ACSS3: variants seen among roughly 807,000 people sequenced by gnomAD.
ACSS3 encodes acyl-CoA synthetase short-chain family member 3, mitochondrial.
ACSS3 carries 64 observed loss-of-function variants against 84.2 expected under a neutral mutation model. The observed-to-expected ratio is 0.76, with a 90% CI of 0.62 to 0.94. The LOEUF (loss-of-function observed/expected upper bound fraction) is 0.94. ACSS3 is among the 40% of genes least tolerant of loss of function. The pLI, the probability that ACSS3 is intolerant of heterozygous loss-of-function variation, is 0.00. For synonymous variants in ACSS3, 317 were observed against 310.1 expected (o/e 1.02, Z -0.23); for missense variants, 815 against 867.6 (o/e 0.94, Z 0.76).
At chr12:81,224,763 G>C (rs527374539) in intron 11 of ACSS3, among the ~76,000 whole-genome samples, 2 of 151,966 alleles carry the variant, frequency 1.3e-5, no homozygotes, top group African/African-American at 2.4e-5. Flanking sequence ...TTCTTGTACT[G>C]TCCTGCTTAG....
intron 2 of ACSS3, chr12:81,124,591 A>G (rs1884917091): frequency 6.6e-6 from 1 of 152,190 alleles, no homozygotes; most frequent in South Asian, 2.1e-4. Context: ...TGGGACTTCA[A>G]TGCTGCATTT....
chr12:81,184,434 A>G (rs1232334784), intron 8 of ACSS3, among the ~76,000 whole-genome samples: 20 of 151,874 alleles, frequency 1.3e-4, no homozygotes, highest in Admixed American at 1.3e-3. Context: ...AATAATAAAT[A>G]TCAGAACAGC....
intron 1 of ACSS3, among the ~76,000 whole-genome samples, chr12:81,098,796 A>G (rs1329128797): frequency 6.6e-6 from 1 of 152,184 alleles, no homozygotes; most frequent in Non-Finnish European, 1.5e-5. Flanking sequence ...TCCTTTTCAC[A>G]TCCATCAGCT....
chr12:81,092,830 A>T (rs530978956), intron 1 of ACSS3, among the ~76,000 whole-genome samples: 5 of 152,326 alleles, frequency 3.3e-5, no homozygotes, highest in African/African-American at 1.2e-4. Flanking sequence ...AATTGACAAA[A>T]ATATAATAAA....
At chr12:81,137,427 C>A (rs1308897128) in intron 3 of ACSS3, among the ~76,000 whole-genome samples, 1 of 151,360 alleles carries the variant, frequency 6.6e-6, no homozygotes, top group African/African-American at 2.4e-5. Flanking sequence ...GGCAATTGGG[C>A]AGGTCAAATG....
chr12:81,161,788 A>G (rs1444243538), intron 7 of ACSS3, among the ~76,000 whole-genome samples: 3 of 151,990 alleles, frequency 2.0e-5, no homozygotes, highest in Non-Finnish European at 4.4e-5. Flanking sequence ...CCAGGACCAA[A>G]ATGGCAAGGG....
At chr12:81,247,037 T>A (rs1232539491) in intron 13 of ACSS3, among the ~76,000 whole-genome samples, 1 of 146,752 alleles carries the variant, frequency 6.8e-6, no homozygotes, top group Non-Finnish European at 1.5e-5. Flanking sequence ...TAAATGTGAT[T>A]TTTTTTGAGT....
At chr12:81,205,986 A>G (rs2032329977) in intron 9 of ACSS3, among the ~76,000 whole-genome samples, 1 of 152,124 alleles carries the variant, frequency 6.6e-6, no homozygotes, top group Non-Finnish European at 1.5e-5. Context: ...AGCTGATGTG[A>G]CAATGAAGAA....
intron 8 of ACSS3, among the ~76,000 whole-genome samples, chr12:81,176,982 T>G (rs545229950): frequency 6.6e-6 from 1 of 152,222 alleles, no homozygotes; most frequent in South Asian, 2.1e-4. Context: ...TCAAGTAGGC[T>G]TTACTCCTGG....
chr12:81,107,880 G>T (rs549184902), intron 1 of ACSS3, among the ~76,000 whole-genome samples: 4 of 151,948 alleles, frequency 2.6e-5, no homozygotes, highest in Admixed American at 1.3e-4. Context: ...TGAGGAGGGA[G>T]CAGTTATATC....
intron 13 of ACSS3, among the ~76,000 whole-genome samples, chr12:81,235,229 A>G (rs566760277): frequency 6.6e-6 from 1 of 151,510 alleles, no homozygotes; most frequent in African/African-American, 2.4e-5. Flanking sequence ...ATCAGATGAT[A>G]ATATTGGAGT....
At chr12:81,254,713 G>T in intron 15 of ACSS3, 144 bp from the exon 16 acceptor site, 1 of 566,854 alleles carries the variant, frequency 1.8e-6, no homozygotes, top group Non-Finnish European at 2.9e-6. Flanking sequence ...TAATATATTA[G>T]GTTCAAAGTT....
At chr12:81,195,889 A>G (rs1316646313) in intron 8 of ACSS3, among the ~76,000 whole-genome samples, 6 of 152,176 alleles carry the variant, frequency 3.9e-5, no homozygotes, top group Non-Finnish European at 8.8e-5. Context: ...AATTTTGAAT[A>G]TGCAGTTGAG....
chr12:81,188,216 A>G (rs2031378195), intron 8 of ACSS3, among the ~76,000 whole-genome samples: 1 of 152,020 alleles, frequency 6.6e-6, no homozygotes, highest in African/African-American at 2.4e-5. Flanking sequence ...AAATAATGAA[A>G]CTGATCTAGC....
Position 81,143,159 on chromosome 12 carries a change from C to T in ACSS3, c.833C>T (p.Ala278Val). The change falls in exon 5 of 16, where the codon GCA becomes GTA. Residue 278 changes from alanine (A) to valine (V), a missense_variant. Ala to Val is a moderately conservative substitution (Grantham distance 64, BLOSUM62 0). Coordinates refer to ENST00000548058, the MANE Select transcript of ACSS3 (RefSeq NM_024560.4). Reference protein sequence around the residue: ...GRDLDWDEEMAKAQSHDCVPV... With the variant: ...GRDLDWDEEMVKAQSHDCVPV... ...GACCTTGATTGGGATGAAGAGATGG[C>T]AAAAGCCCAGTCACATGACTGTGTT... 6.2e-7 allele frequency: 1 copy of T among 1,613,732 alleles called. No homozygotes were observed. The highest frequency in any genetic ancestry group is 8.5e-7 in the Non-Finnish European group (1 of 1,179,724).
chr12:81,083,106 A>G (rs1881090297), intron 1 of ACSS3, among the ~76,000 whole-genome samples: 1 of 152,224 alleles, frequency 6.6e-6, no homozygotes, highest in South Asian at 2.1e-4. Flanking sequence ...GAGGATAGTT[A>G]TAGTAGACCA....
intron 11 of ACSS3, among the ~76,000 whole-genome samples, chr12:81,225,424 C>A (rs1333045945): frequency 1.3e-5 from 2 of 151,854 alleles, no homozygotes; most frequent in East Asian, 3.9e-4. Flanking sequence ...TCAGACTGAT[C>A]CTCAGTTAGA....
rs1478259535 is a variant in ACSS3 at position 81,179,311 on chromosome 12, A to C, written c.1250+4372A>C. Among the ~76,000 whole-genome samples, 9 of 142,846 alleles carry C rather than the reference A, an allele frequency of 6.3e-5. No homozygotes were observed. The South Asian group carries it at 7.8e-4, about 12-fold the overall frequency. 93.7% of individuals were successfully genotyped at this position (142,846 alleles called of 152,430 possible). On this transcript the variant is annotated intron_variant, in intron 8 of 15. Transcript: ENST00000548058. ...AAAAGAAAAAGAAAAAAAAAACACA[A>C]AAAAAACCCAGAAACTGACAAGTGC...
At chr12:81,115,153 G>T (rs1211341787) in intron 2 of ACSS3, among the ~76,000 whole-genome samples, 3 of 152,104 alleles carry the variant, frequency 2.0e-5, no homozygotes, top group African/African-American at 2.4e-5. Context: ...CACAAATTTT[G>T]TTGACAATAT....
Sources: allele counts gnomAD v4.1 joint callset (sites outside exome capture counted in the v4.1 genomes callset), GRCh38; gene constraint gnomAD v4.1.1; transcripts MANE v1.5; gene names NCBI Gene and HGNC (gene_info 2026-07-23, HGNC 2026-07-21).